Variants in GRID1 observed in about 807,000 individuals in gnomAD.
GRID1 encodes glutamate receptor ionotropic, delta-1.
GRID1 carries 28 observed loss-of-function variants against 98.0 expected under a neutral mutation model. The ratio of observed to expected loss-of-function variants is 0.29; its 90% CI spans 0.21 to 0.39. GRID1 has a LOEUF of 0.39. Among genes scored for constraint, GRID1 ranks in the 10% least tolerant of loss-of-function variants. GRID1 has a pLI of 1.00. For synonymous variants in GRID1, 553 were observed against 538.5 expected (o/e 1.03, Z -0.37); for missense variants, 1,111 against 1,340.5 (o/e 0.83, Z 2.67).
rs113501034 is a variant in GRID1 at position 86,254,121 on chromosome 10, A to G, written c.236-47473T>C. Among the ~76,000 whole-genome samples the G allele has an allele frequency of 2.0e-3, 307 of 152,262 alleles. 2 individuals are homozygous for G. The highest frequency in any genetic ancestry group is 6.9e-3 in the African/African-American group (286 of 41,544). ...ACACCCTCCTACACCACCTATGTGC[A>G]TGACAGCAAACACCTTTCCTTAGCA... On this transcript the variant is annotated intron_variant, in intron 2 of 15. Coordinates refer to ENST00000327946, the MANE Select transcript of GRID1 (RefSeq NM_017551.3).
chr10:86,197,512 T>A (rs1291459001), intron 3 of GRID1, among the ~76,000 whole-genome samples: 1 of 151,668 alleles, frequency 6.6e-6, no homozygotes, highest in Non-Finnish European at 1.5e-5. Context: ...GCAAAGGAGG[T>A]CTGGGGAGTG....
intron 8 of GRID1, among the ~76,000 whole-genome samples, chr10:85,819,290 T>C (rs1056976593): frequency 6.6e-6 from 1 of 152,174 alleles, no homozygotes; most frequent in African/African-American, 2.4e-5. Context: ...ATTTGCACCG[T>C]TTCAAAGCAT....
At chr10:86,306,101 G>A (rs1417803849) in intron 2 of GRID1, among the ~76,000 whole-genome samples, 2 of 152,242 alleles carry the variant, frequency 1.3e-5, no homozygotes, top group Non-Finnish European at 2.9e-5. Context: ...GATGCAGAGA[G>A]GAGGAAAAGC....
intron 4 of GRID1, among the ~76,000 whole-genome samples, chr10:86,090,980 C>G (rs747849438): frequency 6.6e-6 from 1 of 152,194 alleles, no homozygotes; most frequent in Non-Finnish European, 1.5e-5. Context: ...GCAGAAGGCC[C>G]TGGGAGCTCA....
intron 2 of GRID1, among the ~76,000 whole-genome samples, chr10:86,209,194 G>T (rs1202280448): frequency 6.6e-6 from 1 of 152,144 alleles, no homozygotes; most frequent in Non-Finnish European, 1.5e-5. Context: ...CCTGAAAGTG[G>T]TTTTCATTCT....
chr10:86,249,209 G>A (rs1846781658), intron 2 of GRID1, among the ~76,000 whole-genome samples: 1 of 152,322 alleles, frequency 6.6e-6, no homozygotes, highest in Non-Finnish European at 1.5e-5. Flanking sequence ...ATTTCTTAGA[G>A]GATGGGGGAT....
intron 12 of GRID1, among the ~76,000 whole-genome samples, chr10:85,699,206 C>T (rs1414403852): frequency 1.3e-5 from 2 of 152,074 alleles, no homozygotes; most frequent in Non-Finnish European, 2.9e-5. Flanking sequence ...GCATGCACCA[C>T]CACACCTGGC....
intron 8 of GRID1, among the ~76,000 whole-genome samples, chr10:85,809,280 C>T (rs1842648405): frequency 6.6e-6 from 1 of 152,056 alleles, no homozygotes. Context: ...TAATTGTTGT[C>T]TCAAAAGAAG....
At chr10:86,044,992 C>T (rs547793601) in intron 4 of GRID1, among the ~76,000 whole-genome samples, 1 of 152,332 alleles carries the variant, frequency 6.6e-6, no homozygotes, top group South Asian at 2.1e-4. Flanking sequence ...CTACTATGTA[C>T]CAGGCCCTCC....
intron 12 of GRID1, among the ~76,000 whole-genome samples, chr10:85,702,883 G>A (rs1278214470): frequency 6.7e-6 from 1 of 149,740 alleles, no homozygotes; most frequent in East Asian, 1.9e-4. Flanking sequence ...AGAAGGAGAA[G>A]GAAAAGAGGA....
At chr10:86,307,584 C>T (rs1847775945) in intron 2 of GRID1, among the ~76,000 whole-genome samples, 1 of 152,022 alleles carries the variant, frequency 6.6e-6, no homozygotes, top group Non-Finnish European at 1.5e-5. Context: ...AACTTAGTTG[C>T]AAGATGAATA....
intron 8 of GRID1, among the ~76,000 whole-genome samples, chr10:85,783,639 G>T (rs2949385): frequency 0.65 from 98,042 of 151,926 alleles, 31,940 homozygotes; most frequent in East Asian, 0.86. Flanking sequence ...AAAACACTTC[G>T]TCCTTGTGTC....
intron 4 of GRID1, among the ~76,000 whole-genome samples, chr10:86,107,278 G>A (rs1457377344): frequency 1.3e-5 from 2 of 152,236 alleles, no homozygotes; most frequent in African/African-American, 4.8e-5. Context: ...GCCCTGCCCT[G>A]GCCCAAACAG....
intron 5 of GRID1, among the ~76,000 whole-genome samples, chr10:85,880,593 C>G (rs1589285683): frequency 6.6e-6 from 1 of 151,800 alleles, no homozygotes; most frequent in South Asian, 2.1e-4. Flanking sequence ...TAAAAACTCT[C>G]AATAAATTAG....
chr10:85,617,774 TA>T (rs2132519178), intron 14 of GRID1, among the ~76,000 whole-genome samples: 1 of 152,296 alleles, frequency 6.6e-6, no homozygotes, highest in East Asian at 1.9e-4. Flanking sequence ...CACATTTGAT[TA>T]TGGTGACTAT....
At chr10:85,814,809 T>C (rs7902997) in intron 8 of GRID1, among the ~76,000 whole-genome samples, 50,893 of 151,784 alleles carry the variant, frequency 0.34, 9,227 homozygotes, top group African/African-American at 0.46. Flanking sequence ...CAAAAGGCCC[T>C]TATAGTTTCA....
chr10:86,110,766 G>A (rs1305731242), intron 4 of GRID1, among the ~76,000 whole-genome samples: 1 of 152,204 alleles, frequency 6.6e-6, no homozygotes, highest in Non-Finnish European at 1.5e-5. Flanking sequence ...AAGACCCTCA[G>A]GTTCAGAGTG....
chr10:85,895,382 T>C (rs1841277157), intron 5 of GRID1, among the ~76,000 whole-genome samples: 2 of 152,094 alleles, frequency 1.3e-5, no homozygotes, highest in Admixed American at 1.3e-4. Flanking sequence ...CATTTCTCAA[T>C]ACAAAATGCT....
At chr10:85,819,522 A>G (rs1455654763) in intron 8 of GRID1, among the ~76,000 whole-genome samples, 4 of 152,238 alleles carry the variant, frequency 2.6e-5, no homozygotes, top group East Asian at 1.9e-4. Flanking sequence ...CAAGGTTAAC[A>G]TCATATGGAT....
Sources: allele counts gnomAD v4.1 joint callset (sites outside exome capture counted in the v4.1 genomes callset), GRCh38; gene constraint gnomAD v4.1.1; transcripts MANE v1.5; gene names NCBI Gene and HGNC (gene_info 2026-07-23, HGNC 2026-07-21).